The following RUNX1T1 variants were observed in gnomAD, a reference collection of about 807,000 sequenced individuals.
The protein encoded by RUNX1T1 is protein CBFA2T1.
Under a neutral mutation model 62.8 loss-of-function variants are expected in RUNX1T1, and 4 were observed. The ratio of observed to expected loss-of-function variants is 0.06; its 90% CI spans 0.03 to 0.15. The LOEUF (loss-of-function observed/expected upper bound fraction) is 0.15, where lower values mean the gene tolerates loss of function less well. RUNX1T1 is among the 10% of genes least tolerant of loss of function. The probability of loss-of-function intolerance (pLI) is 1.00; values close to 1 mark genes in which losing one functional copy is unlikely to be tolerated. For missense variants in RUNX1T1, 508 were observed against 754.3 expected, an observed-to-expected ratio of 0.67 and a Z score of 3.82; for synonymous variants, 291 against 286.0, an observed-to-expected ratio of 1.02 and a Z score of -0.18.
At chr8:92,093,682 C>T (rs1212564427) in intron 1 of RUNX1T1, among the ~76,000 whole-genome samples, 2 of 152,134 alleles carry the variant, frequency 1.3e-5, no homozygotes, top group Non-Finnish European at 2.9e-5. Context: ...ATAGATTTAG[C>T]AGGTGCCTGG....
intron 1 of RUNX1T1, among the ~76,000 whole-genome samples, chr8:92,018,183 G>A (rs28716374): frequency 6.6e-6 from 1 of 151,982 alleles, no homozygotes; most frequent in East Asian, 1.9e-4. Flanking sequence ...CAGAACTGCT[G>A]TAAGTATACT....
At chr8:92,036,902 G>A (rs953195652) in intron 1 of RUNX1T1, among the ~76,000 whole-genome samples, 1 of 152,076 alleles carries the variant, frequency 6.6e-6, no homozygotes, top group African/African-American at 2.4e-5. Context: ...CTCTTATATT[G>A]TTCCCTAGCT....
chr8:92,032,071 C>T (rs1297074289), intron 1 of RUNX1T1, among the ~76,000 whole-genome samples: 2 of 114,736 alleles, frequency 1.7e-5, no homozygotes, highest in East Asian at 2.9e-4. Flanking sequence ...CCAGCCTGGG[C>T]GGCAGAGCGA....
intron 9 of RUNX1T1, among the ~76,000 whole-genome samples, chr8:91,972,288 G>C (rs971123743): frequency 6.6e-6 from 1 of 152,098 alleles, no homozygotes; most frequent in African/African-American, 2.4e-5. Context: ...GTAATTAACT[G>C]TCATGACTTT....
At chr8:91,989,014 G>A (rs1817125769) in intron 6 of RUNX1T1, among the ~76,000 whole-genome samples, 1 of 152,124 alleles carries the variant, frequency 6.6e-6, no homozygotes, top group African/African-American at 2.4e-5. Context: ...CCAGAGGGAT[G>A]TACCGGGGGA....
At chr8:92,059,535 T>A (rs1187384765) in intron 1 of RUNX1T1, among the ~76,000 whole-genome samples, 1 of 152,216 alleles carries the variant, frequency 6.6e-6, no homozygotes, top group African/African-American at 2.4e-5. Context: ...AGCAATGCAC[T>A]GTTTTACTAC....
intron 10 of RUNX1T1, among the ~76,000 whole-genome samples, chr8:91,970,168 C>A (rs1337176282): frequency 2.6e-5 from 4 of 152,092 alleles, no homozygotes; most frequent in Non-Finnish European, 4.4e-5. Flanking sequence ...GAAGTACAGA[C>A]TGTCTCTAAG....
intron 1 of RUNX1T1, among the ~76,000 whole-genome samples, chr8:92,082,743 T>C (rs989430105): frequency 3.3e-5 from 5 of 152,162 alleles, no homozygotes; most frequent in African/African-American, 1.2e-4. Flanking sequence ...AGCTGATTCA[T>C]CAGGCAGTAG....
At position 91,996,461 on chromosome 8, in the gene RUNX1T1, A is replaced by G. The variant is rs375057734; in HGVS notation, c.660-4572T>C. 3.0e-3 allele frequency among the ~76,000 whole-genome samples: 453 copies of G among 152,280 alleles called. 1 individual carries two copies. Among genetic ancestry groups the G allele is most frequent in the African/African-American group, 0.01 (430 of 41,564 alleles). ...CGCGATCCGCCCGCCTCGGCCTCCC[A>G]AAGTGCTGGGATTACAGGCGTGAGC... On this transcript the variant is annotated intron_variant, in intron 5 of 10. Transcript: ENST00000396218.
exon 11 of RUNX1T1, chr8:91,960,200 G>A (rs779377058): frequency 2.3e-5 from 37 of 1,578,480 alleles, no homozygotes; most frequent in Middle Eastern, 2.1e-4. Context: ...TTGGTTTCGC[G>A]TTGGTTGTGT....
intron 4 of RUNX1T1, chr8:92,010,793 C>T: frequency 2.3e-6 from 1 of 439,030 alleles, no homozygotes; most frequent in Non-Finnish European, 4.0e-6. Context: ...AACTCTTCTT[C>T]AAACTTTACT....
intron 9 of RUNX1T1, among the ~76,000 whole-genome samples, chr8:91,974,971 G>GA (rs1459083621): frequency 1.1e-4 from 17 of 152,126 alleles, no homozygotes; most frequent in Admixed American, 6.5e-4. Context: ...ATCTTCTGTA[G>GA]AAAAAAACAA....
intron 1 of RUNX1T1, among the ~76,000 whole-genome samples, chr8:92,062,230 C>A (rs1350091366): frequency 6.6e-6 from 1 of 152,128 alleles, no homozygotes; most frequent in Non-Finnish European, 1.5e-5. Context: ...TGAACAGAAA[C>A]AATACTTCTT....
At chr8:92,093,272 A>C (rs1338407571) in intron 1 of RUNX1T1, among the ~76,000 whole-genome samples, 2 of 152,154 alleles carry the variant, frequency 1.3e-5, no homozygotes, top group African/African-American at 2.4e-5. Flanking sequence ...TATTTTCATA[A>C]ATTTCTTTAA....
At chr8:91,990,401 T>C (rs1043198923) in intron 6 of RUNX1T1, among the ~76,000 whole-genome samples, 2 of 152,156 alleles carry the variant, frequency 1.3e-5, no homozygotes, top group Non-Finnish European at 2.9e-5. Context: ...TAGTGGGTGA[T>C]GTGGACACAG....
chr8:91,958,349 C>A, downstream of RUNX1T1: 1 of 195,606 alleles, frequency 5.1e-6, no homozygotes. Flanking sequence ...ACATGTTTAA[C>A]CTGCTGATCA....
At chr8:91,969,203 A>G (rs1218396166) in intron 10 of RUNX1T1, among the ~76,000 whole-genome samples, 1 of 152,236 alleles carries the variant, frequency 6.6e-6, no homozygotes, top group Non-Finnish European at 1.5e-5. Context: ...TCAAGATCAC[A>G]TATTTTCTAA....
intron 2 of RUNX1T1, among the ~76,000 whole-genome samples, chr8:92,074,483 G>A (rs568149284): frequency 5.9e-5 from 9 of 152,220 alleles, no homozygotes; most frequent in African/African-American, 1.4e-4. Flanking sequence ...CAAACTCCAC[G>A]CAGATACATA....
At chr8:91,983,575 T>C (rs1815896430) in intron 8 of RUNX1T1, among the ~76,000 whole-genome samples, 1 of 152,110 alleles carries the variant, frequency 6.6e-6, no homozygotes, top group Admixed American at 6.5e-5. Flanking sequence ...CTAAAAGAAA[T>C]ACATACAACT....
Sources: allele counts gnomAD v4.1 joint callset (sites outside exome capture counted in the v4.1 genomes callset), GRCh38; gene constraint gnomAD v4.1.1; transcripts MANE v1.5; gene names NCBI Gene and HGNC (gene_info 2026-07-23, HGNC 2026-07-21).